The following ACOT1 variants were observed in gnomAD, a reference collection of about 807,000 sequenced individuals.
ACOT1 encodes the protein acyl-coenzyme A thioesterase 1.
In ACOT1, 8 loss-of-function variants were observed where a neutral mutation model predicts 15.7. That is an observed-to-expected ratio of 0.51 (90% CI 0.30 to 0.92). The LOEUF is 0.92. Ranked by LOEUF, ACOT1 falls within the 40% of genes least tolerant of loss-of-function variation. The pLI is 0.06. For missense variants in ACOT1, 151 were observed against 539.4 expected, an observed-to-expected ratio of 0.28 and a Z score of 7.13; for synonymous variants, 67 against 241.2, an observed-to-expected ratio of 0.28 and a Z score of 6.69.
the ACOT1 span, among the ~76,000 whole-genome samples, chr14:73,510,149 C>T: frequency 2.0e-5 from 3 of 151,944 alleles, no homozygotes; most frequent in African/African-American, 7.2e-5. Flanking sequence ...ACGTGTGCCA[C>T]CGCCCCCAGC....
chr14:73,536,882 G>C (rs547821808), upstream of ACOT1, among the ~76,000 whole-genome samples: 1 of 115,068 alleles, frequency 8.7e-6, no homozygotes, highest in African/African-American at 2.8e-5. Flanking sequence ...TTAGTAATGA[G>C]TGTGAATTAT....
the ACOT1 span, chr14:73,491,558 T>C: frequency 1.3e-6 from 2 of 1,539,202 alleles, no homozygotes; most frequent in African/African-American, 1.4e-5. Flanking sequence ...GGAGCCGGCC[T>C]GGGACTCCCC....
the ACOT1 span, among the ~76,000 whole-genome samples, chr14:73,503,953 G>C: frequency 6.6e-6 from 1 of 152,146 alleles, no homozygotes; most frequent in South Asian, 2.1e-4. Flanking sequence ...TTTACTTTCA[G>C]TTGTCAATTC....
chr14:73,520,748 G>C, the ACOT1 span: 1 of 1,065,826 alleles, frequency 9.4e-7, no homozygotes, highest in Non-Finnish European at 1.4e-6. Flanking sequence ...GGGTCATCCA[G>C]GGCCTCTTGT....
At chr14:73,500,439 A>G in the ACOT1 span, 95 of 1,183,634 alleles carry the variant, frequency 8.0e-5, no homozygotes, top group Non-Finnish European at 9.6e-5. Flanking sequence ...CCCAGTTCCA[A>G]TCTCTCATTC....
the ACOT1 span, among the ~76,000 whole-genome samples, chr14:73,497,861 G>A: frequency 6.6e-6 from 1 of 151,970 alleles, no homozygotes; most frequent in Admixed American, 6.6e-5. Context: ...CCCGACCTCA[G>A]GTGATCCTCC....
chr14:73,528,073 T>C, the ACOT1 span, among the ~76,000 whole-genome samples: 2 of 149,022 alleles, frequency 1.3e-5, no homozygotes, highest in African/African-American at 2.5e-5. Flanking sequence ...CCAGAAAGAA[T>C]ACCATATTAC....
At chr14:73,493,729 T>C in the ACOT1 span, among the ~76,000 whole-genome samples, 3 of 152,046 alleles carry the variant, frequency 2.0e-5, no homozygotes, top group Non-Finnish European at 4.4e-5. Flanking sequence ...TCCCAGCTAC[T>C]AGGGGGGCTG....
At chr14:73,527,751 G>C in the ACOT1 span, among the ~76,000 whole-genome samples, 1 of 151,914 alleles carries the variant, frequency 6.6e-6, no homozygotes, top group African/African-American at 2.4e-5. Context: ...GCCAAGGCAG[G>C]TGGATCACCT....
At chr14:73,491,452 C>G in the ACOT1 span, 2 of 1,404,886 alleles carry the variant, frequency 1.4e-6, no homozygotes, top group Non-Finnish European at 1.8e-6. Context: ...TGGTGGAGAC[C>G]TCGGCCCTGC....
the ACOT1 span, among the ~76,000 whole-genome samples, chr14:73,505,380 GT>G: frequency 6.6e-6 from 1 of 151,554 alleles, no homozygotes; most frequent in African/African-American, 2.4e-5. Context: ...TGGGACAATG[GT>G]TTTTTTGTTT....
the ACOT1 span, chr14:73,490,992 G>T: frequency 9.7e-6 from 13 of 1,346,910 alleles, no homozygotes; most frequent in Non-Finnish European, 1.2e-5. Context: ...GGCCGGCCGG[G>T]CGGGGAAGAC....
At chr14:73,515,432 C>A in the ACOT1 span, among the ~76,000 whole-genome samples, 1 of 151,720 alleles carries the variant, frequency 6.6e-6, no homozygotes, top group South Asian at 2.1e-4. Context: ...GTAATCCCAG[C>A]ACTTTGGGAG....
At chr14:73,500,484 A>C in the ACOT1 span, 1 of 1,501,460 alleles carries the variant, frequency 6.7e-7, no homozygotes, top group Non-Finnish European at 9.1e-7. Context: ...TACTGTGCAC[A>C]ACCAGGGAAG....
chr14:73,493,528 T>TA, the ACOT1 span: 3 of 193,152 alleles, frequency 1.6e-5, no homozygotes, highest in East Asian at 4.6e-4. Flanking sequence ...AGGAGCATGT[T>TA]AATCAACCTC....
the ACOT1 span, among the ~76,000 whole-genome samples, chr14:73,504,664 T>C: frequency 2.0e-5 from 3 of 152,208 alleles, no homozygotes; most frequent in Non-Finnish European, 2.9e-5. Context: ...TTCAGGTGAT[T>C]ACTGTACTGA....
At chr14:73,517,841 C>T in the ACOT1 span, among the ~76,000 whole-genome samples, 1 of 152,062 alleles carries the variant, frequency 6.6e-6, no homozygotes, top group African/African-American at 2.4e-5. Flanking sequence ...GTAATCCCAG[C>T]ACTTTGGGAG....
At chr14:73,529,132 T>A in the ACOT1 span, 1 of 151,940 alleles carries the variant, frequency 6.6e-6, no homozygotes, top group South Asian at 2.1e-4. Flanking sequence ...GGCGTGTGGA[T>A]CATCTGAGGT....
chr14:73,518,915 G>T, the ACOT1 span: 1 of 1,092,840 alleles, frequency 9.2e-7, no homozygotes, highest in Non-Finnish European at 1.3e-6. Context: ...TGCTAATGGT[G>T]CTTCAGCCCA....
Sources: gnomAD v4.1 joint callset for allele counts (sites outside exome capture counted in the v4.1 genomes callset) on GRCh38, gnomAD v4.1.1 for gene constraint, MANE v1.5 for transcripts, NCBI Gene and HGNC (gene_info 2026-07-23, HGNC 2026-07-21) for gene names.